The following CCNF variants were observed in gnomAD, a reference collection of about 807,000 sequenced individuals.
CCNF encodes the protein cyclin-F.
In CCNF, 30 loss-of-function variants were observed where a neutral mutation model predicts 85.4. The ratio of observed to expected loss-of-function variants is 0.35; its 90% CI spans 0.26 to 0.48. CCNF has a LOEUF of 0.48. Ranked by LOEUF, CCNF falls within the 20% of genes least tolerant of loss-of-function variation. The probability of loss-of-function intolerance (pLI) is 0.99; values close to 1 mark genes in which losing one functional copy is unlikely to be tolerated. For missense variants in CCNF, 919 were observed against 1,010.4 expected, an observed-to-expected ratio of 0.91 and a Z score of 1.23; for synonymous variants, 439 against 425.1, an observed-to-expected ratio of 1.03 and a Z score of -0.40.
In CCNF at chr16:2,456,919, A is replaced by C; in HGVS notation, c.2260A>C (p.Ser754Arg). 6.2e-7 allele frequency: 1 copy of C among 1,614,126 alleles called. No homozygotes were observed. Among genetic ancestry groups the C allele is most frequent in the Non-Finnish European group, 8.5e-7 (1 of 1,180,016 alleles). ...GTCATGTTTACAGTGTCGTCCCCCA[A>C]GTCCCCCGGAGAGCAGTGTTCCCCA... ...RKSCLQCRPPSPPESSVPQQQ... is the reference protein window; with the variant it reads ...RKSCLQCRPPRPPESSVPQQQ... The change falls in exon 17 of 17, where the codon AGT becomes CGT. Residue 754 changes from serine (S) to arginine (R), a missense_variant. This residue lies in a region of CCNF where 505 missense variants were observed against 514.8 expected (regional missense o/e 0.98). Coordinates refer to ENST00000397066, the MANE Select transcript of CCNF (RefSeq NM_001761.3). The surrounding 1 kb of genome is among the most constrained non-coding windows in gnomAD (Gnocchi z 4.5).
At position 2,445,442 on chromosome 16, in the gene CCNF, G is replaced by A; in HGVS notation, c.930-16G>A. 1 of 1,613,898 alleles carries A rather than the reference G, an allele frequency of 6.2e-7. No homozygotes were observed. Reference sequence around the variant, plus strand: ...AGAACGCCCCCACCAGTTCCCACGTGCTTCTCTTTCCGCAGGTACATTCTG... The same window carrying A: ...AGAACGCCCCCACCAGTTCCCACGTACTTCTCTTTCCGCAGGTACATTCTG... On this transcript the variant is annotated splice_polypyrimidine_tract_variant and intron_variant, in intron 9 of 16. Transcript: ENST00000397066.
At chr16:2,445,972 C>T (rs570142023) in intron 10 of CCNF, among the ~76,000 whole-genome samples, 2 of 152,176 alleles carry the variant, frequency 1.3e-5, no homozygotes, top group Admixed American at 6.5e-5. Flanking sequence ...TCAAATGATC[C>T]GCCCGCCTCA....
At chr16:2,454,360 C>G (rs540551199) in intron 15 of CCNF, among the ~76,000 whole-genome samples, 1 of 152,178 alleles carries the variant, frequency 6.6e-6, no homozygotes, top group African/African-American at 2.4e-5. Context: ...ACTCCACACA[C>G]GCACCGACTC....
chr16:2,447,364 C>T (rs11647333), intron 10 of CCNF, among the ~76,000 whole-genome samples: 113,893 of 151,078 alleles, frequency 0.75, 43,838 homozygotes, highest in African/African-American at 0.92. Flanking sequence ...GTGGGCGGAT[C>T]GTGAGGTCAG....
chr16:2,446,547 G>A (rs1269705128), intron 10 of CCNF, among the ~76,000 whole-genome samples: 4 of 152,176 alleles, frequency 2.6e-5, no homozygotes, highest in South Asian at 2.1e-4. Context: ...CTCACAATAC[G>A]ATTTGCATTT....
intron 8 of CCNF, among the ~76,000 whole-genome samples, chr16:2,440,163 A>G (rs1355092719): frequency 6.6e-6 from 1 of 152,168 alleles, no homozygotes; most frequent in Non-Finnish European, 1.5e-5. Context: ...ACTGATCTTG[A>G]CAACAAAACT....
chr16:2,432,724 T>G (rs2065268984), intron 2 of CCNF, among the ~76,000 whole-genome samples: 1 of 152,212 alleles, frequency 6.6e-6, no homozygotes, highest in Admixed American at 6.5e-5. Flanking sequence ...GTTTGTTTCC[T>G]CCTTCCCAGA....
chr16:2,453,769 A>G lies in CCNF; in HGVS notation c.1715+232A>G, dbSNP rs1596931885. On this transcript the variant is annotated intron_variant, in intron 15 of 16. Transcript: ENST00000397066. This position sits in a 1 kb window ranked among gnomAD's most constrained non-coding sequence, Gnocchi z 5.6. ...TCAGAGGCTATTGCCTCTCGCTCTG[A>G]CTGGGCTCCCTGTGGAGGAAGATGG... 6.6e-6 allele frequency among the ~76,000 whole-genome samples: 1 copy of G among 151,922 alleles called. No individual in the cohort carries two copies. The highest frequency in any genetic ancestry group is 2.4e-5 in the African/African-American group (1 of 41,244).
intron 8 of CCNF, among the ~76,000 whole-genome samples, chr16:2,441,885 T>A (rs2065322855): frequency 7.3e-6 from 1 of 136,922 alleles, no homozygotes; most frequent in Non-Finnish European, 1.5e-5. Flanking sequence ...TTACTACTAG[T>A]CATAAGAGTG....
In CCNF at chr16:2,432,943, G is replaced by GC; in HGVS notation, c.172-13dup. The GC allele has an allele frequency of 6.5e-7, 1 of 1,536,274 alleles. No individual in the cohort carries two copies. The highest frequency in any genetic ancestry group is 9.0e-7 in the Non-Finnish European group (1 of 1,114,186). On this transcript the variant is annotated splice_polypyrimidine_tract_variant and intron_variant, in intron 2 of 16. Transcript: ENST00000397066. The stretch of plus-strand genomic sequence containing the variant: ...GTGGTGCCTCCATCACCCAGCCCCG[G>GC]CCCCCGTTGTTCTGCAGGTACACTC...
At chr16:2,434,622 A>C (rs1486407914) in intron 3 of CCNF, among the ~76,000 whole-genome samples, 1 of 152,224 alleles carries the variant, frequency 6.6e-6, no homozygotes, top group African/African-American at 2.4e-5. Context: ...AAATAAATAA[A>C]TAAGTAAATA....
rs139948554 is a variant in CCNF at position 2,441,785 on chromosome 16, G to T, written c.778-1864G>T. Reference sequence around the variant, plus strand: ...GCCCTCCTCGGCCTCCCAAAGTGTTGGGATTACAGGAGTGAGCCACTGCAC... The same window carrying T: ...GCCCTCCTCGGCCTCCCAAAGTGTTTGGATTACAGGAGTGAGCCACTGCAC... On this transcript the variant is annotated intron_variant, in intron 8 of 16. Transcript: ENST00000397066. Among the ~76,000 whole-genome samples the T allele has an allele frequency of 6.2e-3, 936 of 150,712 alleles. 4 individuals carry two copies. The highest frequency in any genetic ancestry group is 0.022 in the African/African-American group (893 of 41,010).
In CCNF at chr16:2,431,231, C is replaced by A. The variant is rs1360745126; in HGVS notation, c.118C>A (p.Leu40Ile). Reference protein sequence around the residue: ...LTILSLPEDVLFHILKWLSVE... With the variant: ...LTILSLPEDVIFHILKWLSVE... ...CATCTTGAGTCTCCCCGAAGATGTG[C>A]TCTTTCACATCCTGAAATGGCTTTC... The change falls in exon 2 of 17, where the codon CTC becomes ATC. Residue 40 changes from leucine (L) to isoleucine (I), a missense_variant. Coordinates refer to ENST00000397066, the MANE Select transcript of CCNF (RefSeq NM_001761.3). 6.2e-7 allele frequency: 1 copy of A among 1,614,008 alleles called. No homozygotes were observed. Among genetic ancestry groups the A allele is most frequent in the African/African-American group, 1.3e-5 (1 of 74,920 alleles).
chr16:2,449,892 C>T lies in CCNF; in HGVS notation c.1464C>T (p.Cys488=), dbSNP rs753110068. 2.5e-5 allele frequency: 40 copies of T among 1,612,646 alleles called. No individual in the cohort carries two copies. The highest frequency in any genetic ancestry group is 3.0e-5 in the Non-Finnish European group (35 of 1,179,092). ...TCTCCTATGAAGACCTCATTCCCTG[C>T]GTCTTGAGCCTCCATAAGAAGTGGT... ...TGFSYEDLIP[C]VLSLHKKCFH... is the part of the protein sequence containing the mutation. The change falls in exon 13 of 17, where the codon TGC becomes TGT. Residue 488 remains cysteine, a synonymous_variant. Transcript: ENST00000397066.
chr16:2,435,933 T>G lies in CCNF; in HGVS notation c.346+60T>G, dbSNP rs968385593. 1.7e-5 allele frequency: 21 copies of G among 1,256,386 alleles called. No homozygotes were observed. In the Admixed American group the frequency reaches 3.4e-4, roughly 21 times the overall value. 77.8% of individuals were successfully genotyped at this position (1,256,386 alleles called of 1,614,324 possible). A position where few individuals can be genotyped will look rare whatever the true frequency, so the allele number is the denominator to read the frequency against. The stretch of plus-strand genomic sequence containing the variant: ...AGATAAGTGTGAGCCTTTGGCCCTA[T>G]GAAGAAGTGGTCCCCGTGTTAGCAG... On this transcript the variant is annotated intron_variant, in intron 4 of 16. Transcript: ENST00000397066.
At chr16:2,442,943 T>TATAA (rs1567386564) in intron 8 of CCNF, among the ~76,000 whole-genome samples, 1 of 63,730 alleles carries the variant, frequency 1.6e-5, no homozygotes, top group Non-Finnish European at 2.7e-5. Flanking sequence ...TTATTATATA[T>TATAA]TATTATATTA....
Position 2,445,440 on chromosome 16 carries a change from G to T in CCNF, c.930-18G>T. 1 of 1,613,766 alleles carries T rather than the reference G, an allele frequency of 6.2e-7. No homozygotes were observed. Among genetic ancestry groups the T allele is most frequent in the Middle Eastern group, 1.7e-4 (1 of 6,050 alleles). ...GGAGAACGCCCCCACCAGTTCCCACGTGCTTCTCTTTCCGCAGGTACATTC... is the reference window on the plus strand; with the variant it reads ...GGAGAACGCCCCCACCAGTTCCCACTTGCTTCTCTTTCCGCAGGTACATTC... On this transcript the variant is annotated intron_variant, in intron 9 of 16. Transcript: ENST00000397066.
At position 2,431,102 on chromosome 16, in the gene CCNF, T is replaced by A. The variant is rs757002386; in HGVS notation, c.17-28T>A. 9.3e-6 allele frequency: 15 copies of A among 1,611,498 alleles called. No homozygotes were observed. In the South Asian group the frequency reaches 1.5e-4, roughly 17 times the overall value. The stretch of plus-strand genomic sequence containing the variant: ...GTATATAGAATAATTTTTCATCTTA[T>A]CAAGGCTTCTGTCTTTTTTTCCTTC... On this transcript the variant is annotated intron_variant, in intron 1 of 16. Coordinates refer to ENST00000397066, the MANE Select transcript of CCNF (RefSeq NM_001761.3).
At chr16:2,450,980 T>C (rs1019788435) in intron 13 of CCNF, among the ~76,000 whole-genome samples, 13 of 152,194 alleles carry the variant, frequency 8.5e-5, no homozygotes, top group Admixed American at 7.2e-4. Context: ...TGTGACCCCC[T>C]GTCTGCCCCA....
Sources: gnomAD v4.1 joint callset for allele counts (sites outside exome capture counted in the v4.1 genomes callset) on GRCh38, gnomAD v4.1.1 for gene constraint, gnomAD v4.1.1 regional missense constraint, Gnocchi (gnomAD v3.1) non-coding constraint, MANE v1.5 for transcripts, NCBI Gene and HGNC (gene_info 2026-07-23, HGNC 2026-07-21) for gene names.